Variants in PTPRN2 observed in about 807,000 individuals in gnomAD.
PTPRN2 encodes the protein protein tyrosine phosphatase receptor type N2, also known as receptor-type tyrosine-protein phosphatase N2.
In PTPRN2, 74 loss-of-function variants were observed where a neutral mutation model predicts 118.8. That is an observed-to-expected ratio of 0.62 (90% CI 0.52 to 0.76). PTPRN2 has a LOEUF of 0.76. Ranked by LOEUF, PTPRN2 falls within the 30% of genes least tolerant of loss-of-function variation. The pLI is 0.00. For missense variants in PTPRN2, 1,481 were observed against 1,394.4 expected (o/e 1.06, Z -0.99); for synonymous variants, 641 against 608.0 (o/e 1.05, Z -0.80).
intron 12 of PTPRN2, among the ~76,000 whole-genome samples, chr7:157,736,753 G>A (rs1563055575): frequency 6.6e-6 from 1 of 152,158 alleles, no homozygotes; most frequent in African/African-American, 2.4e-5. Flanking sequence ...ACGGAGTCTC[G>A]TGTCTCCTGC....
intron 12 of PTPRN2, among the ~76,000 whole-genome samples, chr7:157,705,453 A>C (rs1798277386): frequency 6.6e-6 from 1 of 152,230 alleles, no homozygotes; most frequent in African/African-American, 2.4e-5. Flanking sequence ...TTCTGGATCA[A>C]CATGGGCCAC....
In PTPRN2 at chr7:157,615,071, G is replaced by A. The variant is rs912015481; in HGVS notation, c.2344+6291C>T. 1.1e-4 allele frequency among the ~76,000 whole-genome samples: 17 copies of A among 152,324 alleles called. No individual in the cohort carries two copies. Among genetic ancestry groups the A allele is most frequent in the Non-Finnish European group, 1.9e-4 (13 of 68,030 alleles). On this transcript the variant is annotated intron_variant, in intron 15 of 22. Transcript: ENST00000389418. The surrounding 1 kb of genome is among the most constrained non-coding windows in gnomAD (Gnocchi z 4.3). ...GGCTAAAGTATTTGGACGTCATGAC[G>A]CCTGATACTTACTTGAAGTCGTCCA...
chr7:158,463,646 C>T (rs1299935377), intron 2 of PTPRN2, among the ~76,000 whole-genome samples: 8 of 152,120 alleles, frequency 5.3e-5, no homozygotes, highest in South Asian at 4.1e-4. Context: ...TCATCATCAT[C>T]ACCATCATCG....
chr7:157,996,139 A>G (rs534075814), intron 11 of PTPRN2, among the ~76,000 whole-genome samples: 1 of 152,244 alleles, frequency 6.6e-6, no homozygotes. Context: ...AGCAACATGG[A>G]TGGAACTGGA....
intron 11 of PTPRN2, among the ~76,000 whole-genome samples, chr7:158,070,987 T>TGGTGGAGGTGCTCAC (rs1811363645): frequency 9.0e-6 from 1 of 111,114 alleles, no homozygotes; most frequent in Non-Finnish European, 1.8e-5. Context: ...GTGCCCGTGG[T>TGGTGGAGGTGCTCAC]GGTGGAGGTG....
rs1351596229 is a variant in PTPRN2, at chr7:157,778,916, A to G, written c.1789-95979T>C. On this transcript the variant is annotated intron_variant, in intron 12 of 22. Coordinates refer to ENST00000389418, the MANE Select transcript of PTPRN2 (RefSeq NM_002847.5). Reference sequence around the variant, plus strand: ...TATGCCACTGCTCTCTGGACAGACCACATTCTGAAAACAATGATGAAGCCA... The same window carrying G: ...TATGCCACTGCTCTCTGGACAGACCGCATTCTGAAAACAATGATGAAGCCA... Among the ~76,000 whole-genome samples the G allele has an allele frequency of 2.0e-5, 3 of 152,242 alleles. No homozygotes were observed. The East Asian group carries it at 5.8e-4, about 29-fold the overall frequency.
chr7:158,135,719 C>T (rs1818748076), intron 8 of PTPRN2, among the ~76,000 whole-genome samples: 2 of 152,200 alleles, frequency 1.3e-5, no homozygotes, highest in African/African-American at 4.8e-5. Flanking sequence ...CCCTCCACAG[C>T]TCAGACAGCA....
At chr7:157,750,917 C>T (rs1459922768) in intron 12 of PTPRN2, among the ~76,000 whole-genome samples, 3 of 152,234 alleles carry the variant, frequency 2.0e-5, no homozygotes, top group African/African-American at 7.2e-5. Context: ...GCACCATCGG[C>T]CGATCTTCCT....
chr7:158,140,900 TC>T lies in PTPRN2; in HGVS notation c.911-2386del, dbSNP rs201585510. Among the ~76,000 whole-genome samples, 612 of 152,352 alleles carry T rather than the reference TC, an allele frequency of 4.0e-3. 12 individuals carry two copies. The highest frequency in any genetic ancestry group is 3.5e-3 in the East Asian group (18 of 5,182). On this transcript the variant is annotated intron_variant, in intron 6 of 22. Coordinates refer to ENST00000389418, the MANE Select transcript of PTPRN2 (RefSeq NM_002847.5). ...AGGAAAACCTGACTTTCTTTTGTAT[TC>T]AGTGTTGAAATCTCTGTCCTCATAA... is the stretch of plus-strand genomic sequence containing the variant.
intron 12 of PTPRN2, among the ~76,000 whole-genome samples, chr7:157,806,374 A>G (rs985861782): frequency 5.9e-5 from 9 of 152,238 alleles, no homozygotes; most frequent in African/African-American, 2.2e-4. Flanking sequence ...CTACATATGT[A>G]TTCATGCATG....
At chr7:158,074,228 C>T (rs1812171478) in intron 11 of PTPRN2, among the ~76,000 whole-genome samples, 1 of 152,190 alleles carries the variant, frequency 6.6e-6, no homozygotes, top group African/African-American at 2.4e-5. Flanking sequence ...TTTCACCTGC[C>T]CCGGCAGCCG....
At chr7:157,644,124 C>A (rs1020913723) in intron 14 of PTPRN2, among the ~76,000 whole-genome samples, 3 of 152,218 alleles carry the variant, frequency 2.0e-5, no homozygotes, top group Non-Finnish European at 4.4e-5. Flanking sequence ...CGCAACATAA[C>A]CTCATTTGCA....
In PTPRN2 at chr7:157,609,398, T is replaced by G. The variant is rs1033709397; in HGVS notation, c.2345-5323A>C. Among the ~76,000 whole-genome samples the G allele has an allele frequency of 6.6e-6, 1 of 152,116 alleles. No individual in the cohort carries two copies. Among genetic ancestry groups the G allele is most frequent in the African/African-American group, 2.4e-5 (1 of 41,422 alleles). On this transcript the variant is annotated intron_variant, in intron 15 of 22. Coordinates refer to ENST00000389418, the MANE Select transcript of PTPRN2 (RefSeq NM_002847.5). The surrounding 1 kb of genome is among the most constrained non-coding windows in gnomAD (Gnocchi z 4.9). ...AACTCTGTCTCAAAAAAATTTTTTT[T>G]TAAATATAAAAAAAAAGAGTATTTC...
intron 1 of PTPRN2, among the ~76,000 whole-genome samples, chr7:158,584,942 A>G (rs1160343598): frequency 6.6e-6 from 1 of 152,226 alleles, no homozygotes; most frequent in Non-Finnish European, 1.5e-5. Context: ...GTAACAGAGG[A>G]GCAAAAACTT....
At chr7:157,894,861 A>T (rs1026448153) in intron 12 of PTPRN2, among the ~76,000 whole-genome samples, 1 of 152,214 alleles carries the variant, frequency 6.6e-6, no homozygotes, top group Non-Finnish European at 1.5e-5. Flanking sequence ...CACGGTCCAC[A>T]CTTTATTGAA....
chr7:157,543,943 C>T (rs937254752), intron 22 of PTPRN2, among the ~76,000 whole-genome samples: 5 of 151,848 alleles, frequency 3.3e-5, no homozygotes, highest in Non-Finnish European at 5.9e-5. Context: ...GGGACAGAGA[C>T]GGAGATGGAG....
rs893906245 is a variant in PTPRN2, at chr7:157,845,457, A to G, written c.1788+53216T>C. 3.3e-5 allele frequency among the ~76,000 whole-genome samples: 5 copies of G among 151,442 alleles called. No individual in the cohort carries two copies. Among genetic ancestry groups the G allele is most frequent in the African/African-American group, 7.3e-5 (3 of 41,118 alleles). ...TCCCGGCCATACCCCAGTGAACCAC[A>G]CAGCCTAACTCACCATGTTCCCGAC... On this transcript the variant is annotated intron_variant, in intron 12 of 22. Coordinates refer to ENST00000389418, the MANE Select transcript of PTPRN2 (RefSeq NM_002847.5). The surrounding 1 kb of genome is among the most constrained non-coding windows in gnomAD (Gnocchi z 4.5).
chr7:158,071,135 G>A (rs1464077765), intron 11 of PTPRN2, among the ~76,000 whole-genome samples: 3 of 82,734 alleles, frequency 3.6e-5, no homozygotes, highest in East Asian at 3.7e-4. Context: ...GGTGGTGGAG[G>A]TGCTCGTGGT....
At position 157,734,069 on chromosome 7, in the gene PTPRN2, T is replaced by C. The variant is rs148054441; in HGVS notation, c.1789-51132A>G. Among the ~76,000 whole-genome samples the C allele has an allele frequency of 1.6e-3, 76 of 48,582 alleles. 5 individuals carry two copies. Among genetic ancestry groups the C allele is most frequent in the African/African-American group, 2.9e-3 (27 of 9,248 alleles). 31.9% of individuals were successfully genotyped at this position (48,582 alleles called of 152,430 possible). A position where few individuals can be genotyped will look rare whatever the true frequency, so the allele number is the denominator to read the frequency against. On this transcript the variant is annotated intron_variant, in intron 12 of 22. Coordinates refer to ENST00000389418, the MANE Select transcript of PTPRN2 (RefSeq NM_002847.5). ...CATGCGCCCAGCACAGTTACCCTTT[T>C]CCGTCCCATGCACCCAGCACAGTTA...
Sources: gnomAD v4.1 joint callset for allele counts (sites outside exome capture counted in the v4.1 genomes callset) on GRCh38, gnomAD v4.1.1 for gene constraint, Gnocchi (gnomAD v3.1) non-coding constraint, MANE v1.5 for transcripts, NCBI Gene and HGNC (gene_info 2026-07-23, HGNC 2026-07-21) for gene names.